The following ACVR2A variants were observed in gnomAD, a reference collection of about 807,000 sequenced individuals.
The protein encoded by ACVR2A is activin receptor type-2A.
Under a neutral mutation model 61.4 loss-of-function variants are expected in ACVR2A, and 7 were observed. That is an observed-to-expected ratio of 0.11 (90% CI 0.06 to 0.21). ACVR2A has a LOEUF of 0.21. ACVR2A is among the 10% of genes least tolerant of loss of function. The probability of loss-of-function intolerance (pLI) is 1.00; values close to 1 mark genes in which losing one functional copy is unlikely to be tolerated. For synonymous variants in ACVR2A, 193 were observed against 208.3 expected, an observed-to-expected ratio of 0.93 and a Z score of 0.63; for missense variants, 322 against 621.7, an observed-to-expected ratio of 0.52 and a Z score of 5.13.
chr2:147,845,433 A>C (rs995090376), intron 1 of ACVR2A, among the ~76,000 whole-genome samples: 2 of 145,084 alleles, frequency 1.4e-5, no homozygotes, highest in Non-Finnish European at 3.0e-5. Context: ...GCGAGCTGAT[A>C]AGAGTGAGTG....
In ACVR2A at chr2:147,920,312, G is replaced by T. The variant is rs777150989; in HGVS notation, c.1045G>T (p.Ala349Ser). Residue 349 changes from alanine to serine, a missense_variant, in exon 8 of 11, where the codon GCT (alanine) becomes TCT (serine). Transcript: ENST00000241416. The stretch of plus-strand genomic sequence containing the variant: ...CTTTGGGTTGGCCTTAAAATTTGAG[G>T]CTGGCAAGTCTGCAGGCGATACCCA... ...ADFGLALKFE[A>S]GKSAGDTHGQ... The T allele has an allele frequency of 9.9e-6, 16 of 1,613,396 alleles. No individual in the cohort carries two copies. In the South Asian group the frequency reaches 1.8e-4, roughly 18 times the overall value.
At chr2:147,856,808 CT>C (rs1281927311) in intron 1 of ACVR2A, among the ~76,000 whole-genome samples, 66 of 152,258 alleles carry the variant, frequency 4.3e-4, no homozygotes, top group African/African-American at 1.6e-3. Context: ...CACTGACCAT[CT>C]TTTTAATTCT....
At chr2:147,909,317 A>G (rs1001198191) in intron 4 of ACVR2A, among the ~76,000 whole-genome samples, 2 of 152,178 alleles carry the variant, frequency 1.3e-5, no homozygotes, top group Non-Finnish European at 2.9e-5. Context: ...GCACTGCTGC[A>G]AGCTTCATGA....
intron 1 of ACVR2A, among the ~76,000 whole-genome samples, chr2:147,892,161 G>C (rs1411629279): frequency 3.3e-5 from 5 of 151,880 alleles, no homozygotes; most frequent in African/African-American, 1.2e-4. Context: ...TAACAGAGAA[G>C]GGGTTTCACC....
chr2:147,864,241 T>G (rs1280504459), intron 1 of ACVR2A, among the ~76,000 whole-genome samples: 1 of 152,148 alleles, frequency 6.6e-6, no homozygotes, highest in Non-Finnish European at 1.5e-5. Flanking sequence ...AACTTTTTGT[T>G]TTTTTTGAGA....
intron 5 of ACVR2A, among the ~76,000 whole-genome samples, chr2:147,915,751 TTTCA>T (rs1257411139): frequency 3.3e-5 from 5 of 151,976 alleles, no homozygotes; most frequent in African/African-American, 1.2e-4. Flanking sequence ...CTTGACTTAC[TTTCA>T]TTCTACTTTG....
rs1254573366 is a variant in ACVR2A, at chr2:147,930,094, AG to A, written c.*2821del. 4 of 152,494 alleles carry A rather than the reference AG, an allele frequency of 2.6e-5. No homozygotes were observed. The highest frequency in any genetic ancestry group is 5.9e-5 in the Non-Finnish European group (4 of 68,000). The allele number at this position is 152,494 out of a possible 1,614,324, so 9.4% of individuals were successfully genotyped here. ...GGTACCTTGTGAATTCCAGAAAAAG[AG>A]ACTGTGCTTCACGATTGTTAGTCCC... On this transcript the variant is annotated 3_prime_UTR_variant, in exon 11 of 11. Coordinates refer to ENST00000241416, the MANE Select transcript of ACVR2A (RefSeq NM_001616.5).
At chr2:147,888,467 A>G (rs562466447) in intron 1 of ACVR2A, among the ~76,000 whole-genome samples, 1 of 152,242 alleles carries the variant, frequency 6.6e-6, no homozygotes. Context: ...GCATTTTAAA[A>G]TTTTAATCAT....
chr2:147,897,806 C>G (rs1298325178), intron 2 of ACVR2A, among the ~76,000 whole-genome samples: 1 of 152,028 alleles, frequency 6.6e-6, no homozygotes, highest in Non-Finnish European at 1.5e-5. Context: ...TGTGAATTTT[C>G]CAGGGATTAT....
At chr2:147,844,675 TG>T, upstream of ACVR2A, 1 of 150,804 alleles carries the variant, frequency 6.6e-6, no homozygotes. Flanking sequence ...CGGCCGCCAG[TG>T]GTCCTCGGAC....
chr2:147,886,866 G>GTATT (rs1388787535), intron 1 of ACVR2A, among the ~76,000 whole-genome samples: 4 of 151,364 alleles, frequency 2.6e-5, no homozygotes, highest in Non-Finnish European at 5.9e-5. Context: ...AAATTGTTAG[G>GTATT]TATTTCATCA....
At chr2:147,871,605 G>A (rs1174396771) in intron 1 of ACVR2A, among the ~76,000 whole-genome samples, 1 of 152,106 alleles carries the variant, frequency 6.6e-6, no homozygotes, top group African/African-American at 2.4e-5. Context: ...TTTGCTGTAT[G>A]TTCTAGCAAG....
intron 2 of ACVR2A, 52 bp downstream of exon 2, chr2:147,896,560 C>T: frequency 6.5e-7 from 1 of 1,549,572 alleles, no homozygotes; most frequent in Non-Finnish European, 8.9e-7. Flanking sequence ...TTCACACTTC[C>T]CCTCTTTTTG....
Position 147,845,077 on chromosome 2 carries a change from G to A in ACVR2A, c.-76G>A. On this transcript the variant is annotated 5_prime_UTR_variant, in exon 1 of 11. Transcript: ENST00000241416. ...ATGACGGTTGATTTTACACCAGGAG[G>A]TTTGTCTCCGAGGAAGACCCAGGGA... 1.9e-6 allele frequency: 2 copies of A among 1,060,808 alleles called. No homozygotes were observed. Among genetic ancestry groups the A allele is most frequent in the Non-Finnish European group, 2.6e-6 (2 of 758,372 alleles). The allele number at this position is 1,060,808 out of a possible 1,614,324, so 65.7% of individuals were successfully genotyped here.
At chr2:147,848,538 G>A (rs544707714) in intron 1 of ACVR2A, among the ~76,000 whole-genome samples, 1 of 152,222 alleles carries the variant, frequency 6.6e-6, no homozygotes, top group South Asian at 2.1e-4. Flanking sequence ...TGTCAGTAGT[G>A]TAGAGGTCAA....
At position 147,845,182 on chromosome 2, in the gene ACVR2A, C is replaced by T. The variant is rs767619326; in HGVS notation, c.30C>T (p.Ala10=). Reference sequence around the variant, plus strand: ...GAGCTGCTGCAAAGTTGGCGTTTGCCGTCTTTCTTATCTCCTGTTCTTCAG... The same window carrying T: ...GAGCTGCTGCAAAGTTGGCGTTTGCTGTCTTTCTTATCTCCTGTTCTTCAG... MGAAAKLAF[A]VFLISCSSGA... The change falls in exon 1 of 11, where the codon GCC becomes GCT. Residue 10 remains alanine (A), a synonymous_variant. Coordinates refer to ENST00000241416, the MANE Select transcript of ACVR2A (RefSeq NM_001616.5). 9 of 1,613,060 alleles carry T rather than the reference C, an allele frequency of 5.6e-6. No individual in the cohort carries two copies. The highest frequency in any genetic ancestry group is 1.1e-5 in the South Asian group (1 of 91,042).
intron 3 of ACVR2A, 21 bp from the exon 4 acceptor site, chr2:147,899,723 T>A: frequency 6.2e-7 from 1 of 1,610,670 alleles, no homozygotes. Flanking sequence ...TCTGAGTTAT[T>A]TTTCCCCCCC....
At position 147,915,292 on chromosome 2, in the gene ACVR2A, G is replaced by A. The variant is rs1347671872; in HGVS notation, c.630G>A (p.Gln210=). The stretch of plus-strand genomic sequence containing the variant: ...GATTTGGTTGTGTCTGGAAAGCCCA[G>A]TTGCTTAACGAATATGTGGCTGTCA... ...RGRFGCVWKA[Q]LLNEYVAVKI... The change falls in exon 5 of 11, where the codon CAG becomes CAA. Residue 210 remains glutamine (Q), a synonymous_variant. Transcript: ENST00000241416. The A allele has an allele frequency of 6.2e-7, 1 of 1,612,186 alleles. No individual in the cohort carries two copies. The highest frequency in any genetic ancestry group is 2.2e-5 in the East Asian group (1 of 44,818).
At chr2:147,863,633 G>C (rs1377995236) in intron 1 of ACVR2A, among the ~76,000 whole-genome samples, 2 of 152,190 alleles carry the variant, frequency 1.3e-5, no homozygotes, top group African/African-American at 4.8e-5. Context: ...AATCATAAGG[G>C]AGGGAAAATA....
Sources: allele counts gnomAD v4.1 joint callset (sites outside exome capture counted in the v4.1 genomes callset), GRCh38; gene constraint gnomAD v4.1.1; transcripts MANE v1.5; gene names NCBI Gene and HGNC (gene_info 2026-07-23, HGNC 2026-07-21).